The following REV3L variants were observed in gnomAD, a reference collection of about 807,000 sequenced individuals.
The protein encoded by REV3L is REV3 like, DNA directed polymerase zeta catalytic subunit, also known as DNA polymerase zeta catalytic subunit.
Under a neutral mutation model 299.4 loss-of-function variants are expected in REV3L, and 69 were observed. The observed-to-expected ratio is 0.23, with a 90% CI of 0.19 to 0.28. The LOEUF is 0.28. REV3L is among the 10% of genes least tolerant of loss of function. The probability of loss-of-function intolerance (pLI) is 1.00; values close to 1 mark genes in which losing one functional copy is unlikely to be tolerated. For synonymous variants in REV3L, 1,238 were observed against 1,271.4 expected (o/e 0.97, Z 0.56); for missense variants, 3,128 against 3,693.8 (o/e 0.85, Z 3.97).
chr6:111,335,256 A>AG (rs1237707146), intron 22 of REV3L, among the ~76,000 whole-genome samples: 12 of 152,208 alleles, frequency 7.9e-5, no homozygotes, highest in Non-Finnish European at 1.8e-4. Flanking sequence ...TATATCCTTA[A>AG]GGGCATGGAC....
intron 31 of REV3L, among the ~76,000 whole-genome samples, chr6:111,303,788 C>T (rs1376216727): frequency 1.5e-5 from 2 of 132,386 alleles, no homozygotes; most frequent in Non-Finnish European, 3.1e-5. Context: ...GGTGTGATCT[C>T]GGCTCACTGC....
In REV3L at chr6:111,377,849, G is replaced by A. The variant is rs1331755504; in HGVS notation, c.1455-6C>T. On this transcript the variant is annotated splice_region_variant and splice_polypyrimidine_tract_variant and intron_variant, in intron 11 of 31. Coordinates refer to ENST00000368802, the MANE Select transcript of REV3L (RefSeq NM_001372078.1). ...GGGTATTTCTGCACAGTGATCTGGAGAACATTAAAATTCACTGGTGAGCAT... is the reference window on the plus strand; with the variant it reads ...GGGTATTTCTGCACAGTGATCTGGAAAACATTAAAATTCACTGGTGAGCAT... 6.2e-7 allele frequency: 1 copy of A among 1,603,724 alleles called. No individual in the cohort carries two copies. Among genetic ancestry groups the A allele is most frequent in the Non-Finnish European group, 8.5e-7 (1 of 1,176,386 alleles).
chr6:111,471,442 T>C (rs1454661248), intron 1 of REV3L, among the ~76,000 whole-genome samples: 1 of 152,200 alleles, frequency 6.6e-6, no homozygotes, highest in Non-Finnish European at 1.5e-5. Flanking sequence ...TTTCTCCTAA[T>C]GTGAGGAATA....
Position 111,338,312 on chromosome 6 carries a change from CTTTTTTTTTTTTTTTTTTTT to C in REV3L, c.7539-2722_7539-2703del, listed in dbSNP as rs144497761. On this transcript the variant is annotated intron_variant, in intron 21 of 31. Transcript: ENST00000368802. ...TCTTTGTTTACTCCAGTCTAAAGTCCTTTTTTTTTTTTTTTTTTTTTTTTTTTTTTTTTTTTTTTTAAATA... is the reference window on the plus strand; with the variant it reads ...TCTTTGTTTACTCCAGTCTAAAGTCCTTTTTTTTTTTTTTTTTTTTAAATA... Among the ~76,000 whole-genome samples, 65 of 47,938 alleles carry C rather than the reference CTTTTTTTTTTTTTTTTTTTT, an allele frequency of 1.4e-3. 1 individual carries two copies. The highest frequency in any genetic ancestry group is 3.9e-3 in the African/African-American group (30 of 7,716). 31.4% of individuals were successfully genotyped at this position (47,938 alleles called of 152,430 possible). A position where few individuals can be genotyped will look rare whatever the true frequency, so the allele number is the denominator to read the frequency against.
At chr6:111,443,670 C>G (rs1009024474) in intron 1 of REV3L, among the ~76,000 whole-genome samples, 1 of 152,174 alleles carries the variant, frequency 6.6e-6, no homozygotes, top group Non-Finnish European at 1.5e-5. Context: ...TCTCAATACT[C>G]TGAATAGACA....
chr6:111,349,099 A>C (rs1777326363), intron 20 of REV3L, 119 bp downstream of exon 20: 1 of 584,926 alleles, frequency 1.7e-6, no homozygotes, highest in Non-Finnish European at 3.0e-6. Context: ...ACTTAAGTAT[A>C]ACAGTAATTG....
Position 111,411,441 on chromosome 6 carries a change from T to A in REV3L, c.404+39A>T, listed in dbSNP as rs754228383. 8 of 1,236,758 alleles carry A rather than the reference T, an allele frequency of 6.5e-6. 1 individual carries two copies. The highest frequency in any genetic ancestry group is 8.0e-6 in the Non-Finnish European group (7 of 872,082). 76.6% of individuals were successfully genotyped at this position (1,236,758 alleles called of 1,614,324 possible). A position where few individuals can be genotyped will look rare whatever the true frequency, so the allele number is the denominator to read the frequency against. ...TTTTTTTATTATTAAAATACTTCAATGATAGTTATTCATATTTTGGTTTCA... is the reference window on the plus strand; with the variant it reads ...TTTTTTTATTATTAAAATACTTCAAAGATAGTTATTCATATTTTGGTTTCA... On this transcript the variant is annotated intron_variant, in intron 3 of 31. Coordinates refer to ENST00000368802, the MANE Select transcript of REV3L (RefSeq NM_001372078.1).
chr6:111,311,558 T>A (rs952110006), intron 28 of REV3L: 9 of 190,470 alleles, frequency 4.7e-5, no homozygotes, highest in Non-Finnish European at 4.3e-5. Context: ...TTTTTTTTTT[T>A]AATAGTCAAA....
rs1033307805 is a variant in REV3L at position 111,322,815 on chromosome 6, T to C, written c.8242-137A>G. 7 of 639,440 alleles carry C rather than the reference T, an allele frequency of 1.1e-5. No homozygotes were observed. In the African/African-American group the frequency reaches 1.3e-4, roughly 12 times the overall value. The allele number at this position is 639,440 out of a possible 1,614,324, so 39.6% of individuals were successfully genotyped here. ...AAAGAACGTAAAAAAGAAATCAAAA[T>C]AGCCATCAGTATCATCATTCTTTCT... is the stretch of plus-strand genomic sequence containing the variant. On this transcript the variant is annotated intron_variant, in intron 25 of 31. Transcript: ENST00000368802.
At chr6:111,425,139 A>T (rs1246183432) in intron 1 of REV3L, among the ~76,000 whole-genome samples, 1 of 152,160 alleles carries the variant, frequency 6.6e-6, no homozygotes, top group Non-Finnish European at 1.5e-5. Context: ...CCATTAACTG[A>T]CCACTATGCT....
rs940143266 is a variant in REV3L at position 111,300,640 on chromosome 6, A to ATACTT, written c.9253-489_9253-485dup. On this transcript the variant is annotated intron_variant, in intron 31 of 31. Coordinates refer to ENST00000368802, the MANE Select transcript of REV3L (RefSeq NM_001372078.1). ...GGACATTTGTTAGTTCCCCAAATTA[A>ATACTT]TACTTTCATAATTTCTTATGCCTGT... 2.6e-5 allele frequency among the ~76,000 whole-genome samples: 4 copies of ATACTT among 152,222 alleles called. No homozygotes were observed. In the South Asian group the frequency reaches 8.3e-4, roughly 32 times the overall value.
chr6:111,468,155 T>C (rs568806336), intron 1 of REV3L, among the ~76,000 whole-genome samples: 3 of 152,330 alleles, frequency 2.0e-5, no homozygotes, highest in Non-Finnish European at 4.4e-5. Flanking sequence ...AAGTTTTTCA[T>C]TTTAACTATC....
In REV3L at chr6:111,381,374, A is replaced by C; in HGVS notation, c.1167T>G (p.Ser389Arg). 6.2e-7 allele frequency: 1 copy of C among 1,613,668 alleles called. No homozygotes were observed. The highest frequency in any genetic ancestry group is 8.5e-7 in the Non-Finnish European group (1 of 1,179,796). ...TTTGGGTCAAAGGCTGAAAAGTCTG[A>C]CTATTTTCCATAAGGTTCAAAATTG... is the stretch of plus-strand genomic sequence containing the variant. ...EEAILNLMEN[S>R]QTFQPLTQRL... is the part of the protein sequence containing the mutation. Residue 389 changes from serine to arginine, a missense_variant, in exon 10 of 32, where the codon AGT (serine) becomes AGG (arginine). Ser to Arg is a moderately radical substitution (Grantham distance 110, BLOSUM62 -1). Transcript: ENST00000368802.
At chr6:111,300,227 A>G (rs1771334159) in intron 31 of REV3L, 71 bp from the exon 32 acceptor site, 2 of 1,255,908 alleles carry the variant, frequency 1.6e-6, no homozygotes, top group Non-Finnish European at 2.2e-6. Context: ...ACAAATTTTT[A>G]TAATCCCTAC....
At chr6:111,389,727 A>ATTTTTTT (rs10713895) in intron 6 of REV3L, among the ~76,000 whole-genome samples, 3 of 81,384 alleles carry the variant, frequency 3.7e-5, no homozygotes, top group African/African-American at 8.7e-5. Context: ...TTGGTCATTA[A>ATTTTTTT]TTTTTTTTTT....
At chr6:111,422,810 A>C (rs988913107) in intron 1 of REV3L, among the ~76,000 whole-genome samples, 5 of 150,552 alleles carry the variant, frequency 3.3e-5, no homozygotes, top group African/African-American at 9.7e-5. Context: ...ATAATATATA[A>C]CAGTTTCCTT....
At chr6:111,422,215 A>AAC (rs1199951574) in intron 1 of REV3L, among the ~76,000 whole-genome samples, 3 of 152,186 alleles carry the variant, frequency 2.0e-5, no homozygotes, top group African/African-American at 7.2e-5. Context: ...ATATCTGTAT[A>AAC]ATAGCTCTGT....
chr6:111,482,920 T>C lies in REV3L; in HGVS notation c.-32A>G, dbSNP rs750417806. The C allele has an allele frequency of 1.1e-5, 17 of 1,496,036 alleles. No homozygotes were observed. The highest frequency in any genetic ancestry group is 3.0e-5 in the African/African-American group (2 of 67,450). The allele number at this position is 1,496,036 out of a possible 1,614,324, so 92.7% of individuals were successfully genotyped here. On this transcript the variant is annotated 5_prime_UTR_variant, in exon 1 of 32. Transcript: ENST00000368802. ...CGCCGCCGCCACTGCCTCCCTTCAC[T>C]GGCGACCCGGCAGCGGCAGCAGCAG...
chr6:111,477,017 T>C (rs1793023366), intron 1 of REV3L, among the ~76,000 whole-genome samples: 2 of 152,244 alleles, frequency 1.3e-5, no homozygotes, highest in South Asian at 4.1e-4. Flanking sequence ...CCAACTTTTA[T>C]ACTTCGGTGT....
Sources: allele counts gnomAD v4.1 joint callset (sites outside exome capture counted in the v4.1 genomes callset), GRCh38; gene constraint gnomAD v4.1.1; transcripts MANE v1.5; gene names NCBI Gene and HGNC (gene_info 2026-07-23, HGNC 2026-07-21).